Variants in ENOX1 observed in about 807,000 individuals in gnomAD.
ENOX1 encodes candidate growth-related and time keeping constitutive hydroquinone (NADH) oxidase.
In ENOX1, 42 loss-of-function variants were observed where a neutral mutation model predicts 82.5. The observed-to-expected ratio is 0.51, with a 90% CI of 0.40 to 0.66. ENOX1 has a LOEUF of 0.66. Among genes scored for constraint, ENOX1 ranks in the 30% least tolerant of loss-of-function variants. The pLI, the probability that ENOX1 is intolerant of heterozygous loss-of-function variation, is 0.00. For missense variants in ENOX1, 608 were observed against 811.6 expected (o/e 0.75, Z 3.05); for synonymous variants, 271 against 282.2 (o/e 0.96, Z 0.40).
At chr13:43,412,143 T>C (rs1464496899) in intron 4 of ENOX1, 90 bp from the exon 5 acceptor site, 33 of 1,452,528 alleles carry the variant, frequency 2.3e-5, no homozygotes, top group Non-Finnish European at 8.5e-6. Context: ...TGAGGCTTCA[T>C]TTAGCACATT....
chr13:43,700,897 C>T (rs1374167769), intron 1 of ENOX1, among the ~76,000 whole-genome samples: 1 of 152,144 alleles, frequency 6.6e-6, no homozygotes, highest in Non-Finnish European at 1.5e-5. Context: ...TATAAACTAT[C>T]TCCAGGCAAC....
intron 1 of ENOX1, among the ~76,000 whole-genome samples, chr13:43,760,500 A>G (rs1950904259): frequency 6.6e-6 from 1 of 151,950 alleles, no homozygotes; most frequent in Non-Finnish European, 1.5e-5. Context: ...CTGGAACCCA[A>G]CGTGTGCATG....
chr13:43,439,285 T>A (rs1404426682), intron 3 of ENOX1, among the ~76,000 whole-genome samples: 1 of 151,314 alleles, frequency 6.6e-6, no homozygotes, highest in Non-Finnish European at 1.5e-5. Flanking sequence ...CAGGCTGGAG[T>A]GCAATGGTGA....
intron 7 of ENOX1, among the ~76,000 whole-genome samples, chr13:43,358,695 C>T (rs1262255919): frequency 1.3e-5 from 2 of 152,156 alleles, no homozygotes; most frequent in Non-Finnish European, 1.5e-5. Context: ...CACAGTCCTA[C>T]GAGGTCATGC....
intron 1 of ENOX1, among the ~76,000 whole-genome samples, chr13:43,770,395 G>C (rs1594753318): frequency 1.3e-5 from 2 of 152,140 alleles, no homozygotes; most frequent in African/African-American, 2.4e-5. Context: ...AAAAGAGTAA[G>C]AAATAGACAA....
At chr13:43,582,664 C>T (rs980349841) in intron 2 of ENOX1, among the ~76,000 whole-genome samples, 1 of 152,094 alleles carries the variant, frequency 6.6e-6, no homozygotes, top group African/African-American at 2.4e-5. Context: ...CACTCAACCT[C>T]CCAGGCTCAT....
In ENOX1 at chr13:43,682,548, G is replaced by A. The variant is rs189463818; in HGVS notation, c.-284-15004C>T. Reference sequence around the variant, plus strand: ...ATGCAGGCTGGCCACCATGGGTGGTGGCAGTTGTAGTTACCATTCTCATTC... The same window carrying A: ...ATGCAGGCTGGCCACCATGGGTGGTAGCAGTTGTAGTTACCATTCTCATTC... On this transcript the variant is annotated intron_variant, in intron 1 of 16. Coordinates refer to ENST00000690772, the MANE Select transcript of ENOX1 (RefSeq NM_001347969.2). Among the ~76,000 whole-genome samples, 775 of 152,050 alleles carry A rather than the reference G, an allele frequency of 5.1e-3. 3 individuals carry two copies. Among genetic ancestry groups the A allele is most frequent in the South Asian group, 0.026 (124 of 4,794 alleles).
intron 1 of ENOX1, among the ~76,000 whole-genome samples, chr13:43,731,695 A>G (rs960690591): frequency 5.9e-5 from 9 of 152,228 alleles, no homozygotes; most frequent in Non-Finnish European, 1.2e-4. Flanking sequence ...TTAATTTAGT[A>G]TCTAGCTTAG....
At position 43,470,182 on chromosome 13, in the gene ENOX1, ATG is replaced by A. The variant is rs1207009060; in HGVS notation, c.-75+13825_-75+13826del. 7.6e-5 allele frequency among the ~76,000 whole-genome samples: 11 copies of A among 143,924 alleles called. 2 individuals are homozygous for A. Among genetic ancestry groups the A allele is most frequent in the Non-Finnish European group, 1.4e-4 (9 of 65,916 alleles). The allele number at this position is 143,924 out of a possible 152,430, so 94.4% of individuals were successfully genotyped here. A position where few individuals can be genotyped will look rare whatever the true frequency, so the allele number is the denominator to read the frequency against. The stretch of plus-strand genomic sequence containing the variant: ...CTGTACTATAAAGTTTTCAAACTAT[ATG>A]TGTGTGTGTATATATATATGTGTAT... On this transcript the variant is annotated intron_variant, in intron 3 of 16. Transcript: ENST00000690772.
chr13:43,328,403 C>A (rs2048235903), intron 9 of ENOX1, among the ~76,000 whole-genome samples: 1 of 152,134 alleles, frequency 6.6e-6, no homozygotes, highest in Admixed American at 6.5e-5. Context: ...CTTATAATAA[C>A]ATAGCTCTTT....
At chr13:43,392,105 CA>C (rs35936688) in intron 5 of ENOX1, among the ~76,000 whole-genome samples, 78,160 of 151,942 alleles carry the variant, frequency 0.51, 24,951 homozygotes, top group Non-Finnish European at 0.73. Context: ...CTCAGAATCT[CA>C]GTTTAAATTT....
chr13:43,527,396 T>G (rs1045423589), intron 2 of ENOX1, among the ~76,000 whole-genome samples: 5 of 152,118 alleles, frequency 3.3e-5, no homozygotes, highest in African/African-American at 1.2e-4. Context: ...ATGTTACACT[T>G]AACTGCATAT....
At chr13:43,734,199 GGTTGTTGTTGTTGTT>G (rs143259339) in intron 1 of ENOX1, among the ~76,000 whole-genome samples, 76 of 151,114 alleles carry the variant, frequency 5.0e-4, no homozygotes, top group African/African-American at 1.7e-3. Context: ...TTTTGTTGTT[GGTTGTTGTTGTTGTT>G]GTTGTTGTTG....
intron 14 of ENOX1, among the ~76,000 whole-genome samples, chr13:43,251,957 G>A (rs2043482478): frequency 6.6e-6 from 1 of 152,214 alleles, no homozygotes; most frequent in African/African-American, 2.4e-5. Flanking sequence ...GATTGTGCGT[G>A]TGTGTAGTGA....
At chr13:43,524,494 G>A (rs189485540) in intron 2 of ENOX1, among the ~76,000 whole-genome samples, 8 of 151,952 alleles carry the variant, frequency 5.3e-5, no homozygotes, top group East Asian at 1.9e-4. Flanking sequence ...CCCTCCTCAC[G>A]CCCTCCACCC....
intron 2 of ENOX1, among the ~76,000 whole-genome samples, chr13:43,506,816 T>G (rs1277446323): frequency 2.7e-5 from 4 of 146,568 alleles, no homozygotes; most frequent in Non-Finnish European, 4.5e-5. Context: ...AAGGGGAACA[T>G]CACACAACGG....
chr13:43,619,586 TC>T (rs2082635592), intron 2 of ENOX1, among the ~76,000 whole-genome samples: 1 of 152,184 alleles, frequency 6.6e-6, no homozygotes, highest in Non-Finnish European at 1.5e-5. Flanking sequence ...CATCCCTGCA[TC>T]CCTGGTATGA....
intron 2 of ENOX1, among the ~76,000 whole-genome samples, chr13:43,553,037 GTATGGGGAAA>G (rs1269716038): frequency 2.6e-5 from 4 of 152,202 alleles, no homozygotes; most frequent in Admixed American, 6.5e-5. Flanking sequence ...GGGATATTCT[GTATGGGGAAA>G]TATGGGGAGT....
chr13:43,617,255 T>C (rs142399142), intron 2 of ENOX1, among the ~76,000 whole-genome samples: 1 of 152,372 alleles, frequency 6.6e-6, no homozygotes, highest in East Asian at 1.9e-4. Context: ...TTTCATTTTA[T>C]AAATGAAGCT....
Sources: allele counts gnomAD v4.1 joint callset (sites outside exome capture counted in the v4.1 genomes callset), GRCh38; gene constraint gnomAD v4.1.1; transcripts MANE v1.5; gene names NCBI Gene and HGNC (gene_info 2026-07-23, HGNC 2026-07-21).